Variants in STK17A observed in about 807,000 individuals in gnomAD.
STK17A encodes the protein serine/threonine-protein kinase 17A.
Under a neutral mutation model 43.7 loss-of-function variants are expected in STK17A, and 26 were observed. That is an observed-to-expected ratio of 0.60 (90% CI 0.44 to 0.83). The LOEUF (loss-of-function observed/expected upper bound fraction) is 0.83, where lower values mean the gene tolerates loss of function less well. Ranked by LOEUF, STK17A falls within the 40% of genes least tolerant of loss-of-function variation. The probability of loss-of-function intolerance (pLI) is 0.00; values close to 1 mark genes in which losing one functional copy is unlikely to be tolerated. For synonymous variants in STK17A, 191 were observed against 182.5 expected, an observed-to-expected ratio of 1.05 and a Z score of -0.38; for missense variants, 476 against 511.6, an observed-to-expected ratio of 0.93 and a Z score of 0.67.
At chr7:43,616,348 C>G (rs939303173) in intron 3 of STK17A, among the ~76,000 whole-genome samples, 2 of 152,182 alleles carry the variant, frequency 1.3e-5, no homozygotes, top group African/African-American at 4.8e-5. Context: ...TATACTACCA[C>G]TAGTCCTAAC....
Position 43,583,180 on chromosome 7 carries a change from G to C in STK17A, c.-64G>C. 6.6e-7 allele frequency: 1 copy of C among 1,516,768 alleles called. No individual in the cohort carries two copies. The highest frequency in any genetic ancestry group is 1.4e-5 in the African/African-American group (1 of 69,424). 94.0% of individuals were successfully genotyped at this position (1,516,768 alleles called of 1,614,324 possible). ...GGACCGGCACTAGGAGCCGGGGGCGGGTCCGTGACCCTCCGGCTGCTCGGA... is the reference window on the plus strand; with the variant it reads ...GGACCGGCACTAGGAGCCGGGGGCGCGTCCGTGACCCTCCGGCTGCTCGGA... On this transcript the variant is annotated 5_prime_UTR_variant, in exon 1 of 7. Transcript: ENST00000319357.
At chr7:43,587,738 C>T (rs1393015648) in intron 1 of STK17A, among the ~76,000 whole-genome samples, 1 of 151,516 alleles carries the variant, frequency 6.6e-6, no homozygotes, top group Non-Finnish European at 1.5e-5. Flanking sequence ...GATTTCTTGA[C>T]AGCTAGTCAT....
Position 43,625,139 on chromosome 7 carries a change from TG to T in STK17A, c.*298del. The T allele has an allele frequency of 4.2e-6, 1 of 237,452 alleles. No homozygotes were observed. The highest frequency in any genetic ancestry group is 8.2e-6 in the Non-Finnish European group (1 of 122,608). 14.7% of individuals were successfully genotyped at this position (237,452 alleles called of 1,614,324 possible). A position where few individuals can be genotyped will look rare whatever the true frequency, so the allele number is the denominator to read the frequency against. ...ATGAGAATTTGTGTACAAAGATATTTGTATTCACTTTCTTTAAAAAATCCAA... is the reference window on the plus strand; with the variant it reads ...ATGAGAATTTGTGTACAAAGATATTTTATTCACTTTCTTTAAAAAATCCAA... On this transcript the variant is annotated 3_prime_UTR_variant, in exon 7 of 7. Coordinates refer to ENST00000319357, the MANE Select transcript of STK17A (RefSeq NM_004760.3).
intron 4 of STK17A, among the ~76,000 whole-genome samples, chr7:43,621,509 A>T (rs2083884460): frequency 6.6e-6 from 1 of 152,068 alleles, no homozygotes; most frequent in Non-Finnish European, 1.5e-5. Context: ...AGAGAGTCTC[A>T]CTCTGCCACC....
At chr7:43,585,731 T>C (rs1264887324) in intron 1 of STK17A, among the ~76,000 whole-genome samples, 1 of 151,586 alleles carries the variant, frequency 6.6e-6, no homozygotes, top group East Asian at 1.9e-4. Flanking sequence ...GTTTATTGCC[T>C]CATAGGGTTG....
chr7:43,584,229 A>AT (rs1330062583), intron 1 of STK17A, among the ~76,000 whole-genome samples: 1 of 151,976 alleles, frequency 6.6e-6, no homozygotes, highest in Non-Finnish European at 1.5e-5. Context: ...TGATCGAGTG[A>AT]TTTTTGTGGG....
intron 2 of STK17A, among the ~76,000 whole-genome samples, chr7:43,604,791 C>A (rs1290991045): frequency 3.3e-5 from 5 of 152,156 alleles, no homozygotes; most frequent in Admixed American, 3.3e-4. Context: ...CCTCTCTTCT[C>A]TTATTCCTTG....
chr7:43,595,305 TCTCA>T (rs2082507999), intron 1 of STK17A, among the ~76,000 whole-genome samples: 1 of 131,380 alleles, frequency 7.6e-6, no homozygotes, highest in Non-Finnish European at 1.6e-5. Context: ...GGAGACAGAG[TCTCA>T]CTCTGTCATC....
rs772088806 is a variant in STK17A, at chr7:43,624,523, G to A, written c.926G>A (p.Arg309Gln). ...TAAAACATGTATCTTTACAGAGATC[G>A]AGCCACTGCTGAAGAATGTCTAAAG... ...RTLLVKKPED[R>Q]ATAEECLKHP... The change falls in exon 7 of 7, where the codon CGA becomes CAA. Residue 309 changes from arginine (R) to glutamine (Q), a missense_variant. Arg to Gln is a conservative substitution (Grantham distance 43, BLOSUM62 1). This residue lies in a region of STK17A where 46 missense variants were observed against 81.6 expected (regional missense o/e 0.56). Coordinates refer to ENST00000319357, the MANE Select transcript of STK17A (RefSeq NM_004760.3). 4 of 1,610,056 alleles carry A rather than the reference G, an allele frequency of 2.5e-6. No homozygotes were observed. Among genetic ancestry groups the A allele is most frequent in the Non-Finnish European group, 3.4e-6 (4 of 1,177,976 alleles).
intron 3 of STK17A, among the ~76,000 whole-genome samples, chr7:43,611,469 C>T (rs926939814): frequency 2.0e-5 from 3 of 152,192 alleles, no homozygotes; most frequent in Non-Finnish European, 2.9e-5. Context: ...CACACCCACA[C>T]GCTGAGGTGG....
chr7:43,611,401 G>A (rs1262242477), intron 3 of STK17A, among the ~76,000 whole-genome samples: 1 of 152,166 alleles, frequency 6.6e-6, no homozygotes, highest in African/African-American at 2.4e-5. Flanking sequence ...TGGACACTCA[G>A]GACCCAGTAG....
chr7:43,606,916 CTTT>C (rs71011933), intron 2 of STK17A, among the ~76,000 whole-genome samples: 4 of 62,644 alleles, frequency 6.4e-5, no homozygotes, highest in African/African-American at 8.2e-5. Flanking sequence ...TTTCGATTTT[CTTT>C]TTTTTTTTTT....
chr7:43,585,917 A>G (rs976091794), intron 1 of STK17A, among the ~76,000 whole-genome samples: 3 of 151,652 alleles, frequency 2.0e-5, no homozygotes, highest in Admixed American at 2.0e-4. Flanking sequence ...TAATGAAGTC[A>G]CAGGAACTGT....
At chr7:43,619,953 G>C (rs2083709250) in intron 4 of STK17A, among the ~76,000 whole-genome samples, 1 of 152,204 alleles carries the variant, frequency 6.6e-6, no homozygotes, top group Non-Finnish European at 1.5e-5. Flanking sequence ...AGAATTTGAA[G>C]GGATTACTTC....
At position 43,624,758 on chromosome 7, in the gene STK17A, G is replaced by A; in HGVS notation, c.1161G>A (p.Glu387=). The A allele has an allele frequency of 6.2e-7, 1 of 1,613,552 alleles. No individual in the cohort carries two copies. Residue 387 remains glutamate (E), a synonymous_variant, in exon 7 of 7, where the codon GAG becomes GAA. Coordinates refer to ENST00000319357, the MANE Select transcript of STK17A (RefSeq NM_004760.3). ...GACAATGCAGACAGTCTGAAAAAGA[G>A]AAAATGGAGCAAAAGGCCATTTCCA... ...TLGQCRQSEK[E]KMEQKAISKR...
chr7:43,613,662 G>C (rs967690241), intron 3 of STK17A, among the ~76,000 whole-genome samples: 3 of 152,010 alleles, frequency 2.0e-5, no homozygotes, highest in Admixed American at 2.0e-4. Flanking sequence ...AGGCAACATA[G>C]TGAGACCTCA....
intron 3 of STK17A, among the ~76,000 whole-genome samples, chr7:43,618,313 A>G (rs927020757): frequency 1.2e-4 from 18 of 152,176 alleles, no homozygotes; most frequent in African/African-American, 4.3e-4. Flanking sequence ...GAGGGATGAG[A>G]ATAAATCTGT....
At chr7:43,598,698 A>T (rs1290464555) in intron 2 of STK17A, among the ~76,000 whole-genome samples, 2 of 152,062 alleles carry the variant, frequency 1.3e-5, no homozygotes, top group Non-Finnish European at 2.9e-5. Context: ...ACAAATGCAG[A>T]TGTACAAAAA....
intron 1 of STK17A, among the ~76,000 whole-genome samples, chr7:43,585,026 G>T (rs946175514): frequency 1.3e-5 from 2 of 152,034 alleles, no homozygotes; most frequent in Non-Finnish European, 2.9e-5. Context: ...GTGAAACCCC[G>T]TCTGTACCAA....
Sources: allele counts gnomAD v4.1 joint callset (sites outside exome capture counted in the v4.1 genomes callset), GRCh38; gene constraint gnomAD v4.1.1; regional missense constraint gnomAD v4.1.1; transcripts MANE v1.5; gene names NCBI Gene and HGNC (gene_info 2026-07-23, HGNC 2026-07-21).